ZSWIM6: variants seen among roughly 807,000 people sequenced by gnomAD.
ZSWIM6 encodes the protein zinc finger SWIM-type containing 6.
In ZSWIM6, 9 loss-of-function variants were observed where a neutral mutation model predicts 113.2. That is an observed-to-expected ratio of 0.08 (90% CI 0.05 to 0.14). The LOEUF is 0.14. Ranked by LOEUF, ZSWIM6 falls within the 10% of genes least tolerant of loss-of-function variation. ZSWIM6 has a pLI of 1.00. For synonymous variants in ZSWIM6, 611 were observed against 606.5 expected (o/e 1.01, Z -0.11); for missense variants, 1,162 against 1,552.2 (o/e 0.75, Z 4.22).
At chr5:61,361,737 C>A (rs1312471634) in intron 1 of ZSWIM6, among the ~76,000 whole-genome samples, 1 of 152,192 alleles carries the variant, frequency 6.6e-6, no homozygotes, top group Non-Finnish European at 1.5e-5. Context: ...CTTGGGACAA[C>A]TCCAGTCTAA....
chr5:61,501,789 A>G (rs1264690563), intron 4 of ZSWIM6, among the ~76,000 whole-genome samples: 2 of 152,184 alleles, frequency 1.3e-5, no homozygotes, highest in African/African-American at 4.8e-5. Flanking sequence ...TCATCTTTCT[A>G]CTTACAGCAT....
chr5:61,526,807 T>A (rs1561279214), intron 7 of ZSWIM6, among the ~76,000 whole-genome samples: 1 of 152,196 alleles, frequency 6.6e-6, no homozygotes, highest in African/African-American at 2.4e-5. Context: ...GGCAATCAGT[T>A]GACGTCTCTG....
chr5:61,460,595 A>G (rs568084695), intron 1 of ZSWIM6, among the ~76,000 whole-genome samples: 2 of 152,074 alleles, frequency 1.3e-5, no homozygotes, highest in Non-Finnish European at 2.9e-5. Context: ...CTTATTTCCA[A>G]ATCCAACTTA....
At chr5:61,470,583 A>G (rs183227961) in intron 1 of ZSWIM6, among the ~76,000 whole-genome samples, 1 of 152,300 alleles carries the variant, frequency 6.6e-6, no homozygotes, top group African/African-American at 2.4e-5. Flanking sequence ...TAAAAATTTT[A>G]GAATATATAC....
At chr5:61,433,496 G>A (rs1231414866) in intron 1 of ZSWIM6, among the ~76,000 whole-genome samples, 1 of 146,602 alleles carries the variant, frequency 6.8e-6, no homozygotes, top group African/African-American at 2.5e-5. Flanking sequence ...TTTTGAGACA[G>A]AGTTTTGCTC....
chr5:61,466,756 T>A (rs1449540554), intron 1 of ZSWIM6, among the ~76,000 whole-genome samples: 3 of 152,154 alleles, frequency 2.0e-5, no homozygotes, highest in Admixed American at 6.6e-5. Context: ...TGGCCAACTT[T>A]TAGAAATTGT....
chr5:61,461,671 A>C (rs2112169060), intron 1 of ZSWIM6, among the ~76,000 whole-genome samples: 1 of 152,312 alleles, frequency 6.6e-6, no homozygotes, highest in African/African-American at 2.4e-5. Flanking sequence ...CTCTCAGAAC[A>C]GGTGCTGGAA....
At chr5:61,392,476 A>C (rs1745740592) in intron 1 of ZSWIM6, among the ~76,000 whole-genome samples, 1 of 152,250 alleles carries the variant, frequency 6.6e-6, no homozygotes, top group Non-Finnish European at 1.5e-5. Flanking sequence ...TTGGTGAGAC[A>C]GGAGTTGTCA....
chr5:61,469,059 C>T (rs2112178914), intron 1 of ZSWIM6, among the ~76,000 whole-genome samples: 2 of 152,202 alleles, frequency 1.3e-5, no homozygotes, highest in Admixed American at 1.3e-4. Flanking sequence ...TAAATAGCTG[C>T]CACAAAGCTA....
intron 1 of ZSWIM6, among the ~76,000 whole-genome samples, chr5:61,365,378 T>G (rs1330758828): frequency 1.3e-5 from 2 of 151,856 alleles, no homozygotes; most frequent in African/African-American, 2.4e-5. Context: ...ATATATATAT[T>G]TTATCAATCA....
intron 1 of ZSWIM6, among the ~76,000 whole-genome samples, chr5:61,417,765 T>C (rs777348785): frequency 4.6e-5 from 7 of 152,248 alleles, no homozygotes; most frequent in Non-Finnish European, 5.9e-5. Context: ...ATAACTGATA[T>C]ACTCAAGAGT....
At chr5:61,377,823 A>T (rs909691064) in intron 1 of ZSWIM6, among the ~76,000 whole-genome samples, 1 of 152,242 alleles carries the variant, frequency 6.6e-6, no homozygotes, top group East Asian at 1.9e-4. Flanking sequence ...ACAAACCAAT[A>T]AAAAGACTAA....
chr5:61,450,859 A>G (rs996677175), intron 1 of ZSWIM6, among the ~76,000 whole-genome samples: 2 of 152,186 alleles, frequency 1.3e-5, no homozygotes, highest in Non-Finnish European at 2.9e-5. Flanking sequence ...AACATTTGCC[A>G]TGGTCATTTT....
chr5:61,353,954 C>A (rs577910332), intron 1 of ZSWIM6, among the ~76,000 whole-genome samples: 1 of 152,206 alleles, frequency 6.6e-6, no homozygotes, highest in African/African-American at 2.4e-5. Flanking sequence ...TAGATAGATT[C>A]AGCAGATGCT....
In ZSWIM6 at chr5:61,467,144, T is replaced by A. The variant is rs111412972; in HGVS notation, c.677-5537T>A. Among the ~76,000 whole-genome samples the A allele has an allele frequency of 2.7e-4, 41 of 152,354 alleles. 2 individuals are homozygous for A. The highest frequency in any genetic ancestry group is 9.9e-4 in the African/African-American group (41 of 41,580). ...TAAGAGCAGTTCTTCAACTTTCTGGTATCACTCTTAATAATGGAAGTGCCC... is the reference window on the plus strand; with the variant it reads ...TAAGAGCAGTTCTTCAACTTTCTGGAATCACTCTTAATAATGGAAGTGCCC... On this transcript the variant is annotated intron_variant, in intron 1 of 13. Transcript: ENST00000252744.
chr5:61,406,886 T>C (rs1746053540), intron 1 of ZSWIM6, among the ~76,000 whole-genome samples: 1 of 152,096 alleles, frequency 6.6e-6, no homozygotes, highest in Admixed American at 6.5e-5. Context: ...CTAATTTTTG[T>C]ATTTTTAGTA....
intron 1 of ZSWIM6, among the ~76,000 whole-genome samples, chr5:61,459,377 A>G (rs891961167): frequency 6.6e-6 from 1 of 152,196 alleles, no homozygotes; most frequent in Admixed American, 6.5e-5. Context: ...GTTCCTTTAT[A>G]TTATAGATGC....
chr5:61,531,381 A>G, intron 8 of ZSWIM6, 84 bp from the exon 9 acceptor site: 2 of 1,422,756 alleles, frequency 1.4e-6, no homozygotes, highest in Non-Finnish European at 1.9e-6. Context: ...ATTTGCTTGT[A>G]CGGGGAAGTA....
In ZSWIM6 at chr5:61,545,946, T is replaced by C. The variant is rs1749877375; in HGVS notation, c.*1629T>C. ...GCTTAGAGGTATGTTTGTAGGTATT[T>C]TTGTTTAGAAGAACTATTTCATGCG... On this transcript the variant is annotated 3_prime_UTR_variant, in exon 14 of 14. Transcript: ENST00000252744. The C allele has an allele frequency of 6.6e-6, 1 of 152,180 alleles. No homozygotes were observed. 9.4% of individuals were successfully genotyped at this position (152,180 alleles called of 1,614,324 possible).
Sources: allele counts gnomAD v4.1 joint callset (sites outside exome capture counted in the v4.1 genomes callset), GRCh38; gene constraint gnomAD v4.1.1; transcripts MANE v1.5; gene names NCBI Gene and HGNC (gene_info 2026-07-23, HGNC 2026-07-21).